SKA2: variants seen among roughly 807,000 people sequenced by gnomAD.
The protein encoded by SKA2 is spindle and kinetochore-associated protein 2.
In SKA2, 13 loss-of-function variants were observed where a neutral mutation model predicts 16.9. The ratio of observed to expected loss-of-function variants is 0.77; its 90% CI spans 0.50 to 1.22. SKA2 has a LOEUF of 1.22. Among genes scored for constraint, SKA2 ranks in the 50% most tolerant of loss-of-function variants. SKA2 has a pLI of 0.00. For missense variants in SKA2, 107 were observed against 139.7 expected, an observed-to-expected ratio of 0.77 and a Z score of 1.18; for synonymous variants, 47 against 48.5, an observed-to-expected ratio of 0.97 and a Z score of 0.13.
intron 2 of SKA2, among the ~76,000 whole-genome samples, chr17:59,121,151 C>CAAA (rs71145525): frequency 1.0e-5 from 1 of 99,700 alleles, no homozygotes; most frequent in Non-Finnish European, 2.0e-5. Flanking sequence ...GACTCCGTCT[C>CAAA]AAAAAAAAAA....
chr17:59,137,504 C>A (rs746341563), intron 1 of SKA2, among the ~76,000 whole-genome samples: 6 of 152,078 alleles, frequency 3.9e-5, no homozygotes, highest in Non-Finnish European at 7.4e-5. Flanking sequence ...GCTATGTGTC[C>A]CTAGGTTAAG....
chr17:59,117,262 T>C (rs193057212), intron 3 of SKA2, among the ~76,000 whole-genome samples: 10 of 152,332 alleles, frequency 6.6e-5, no homozygotes, highest in African/African-American at 2.2e-4. Context: ...GTCATTCCCA[T>C]TCACATTTGG....
chr17:59,140,418 G>A (rs151126039), intron 1 of SKA2, among the ~76,000 whole-genome samples: 4,180 of 151,370 alleles, frequency 0.028, 95 homozygotes, highest in African/African-American at 0.051. Context: ...TAGTAGAGAC[G>A]GGGTTTCACC....
chr17:59,119,169 G>A (rs1241093626), intron 3 of SKA2, 150 bp downstream of exon 3: 10 of 717,982 alleles, frequency 1.4e-5, no homozygotes, highest in Non-Finnish European at 2.0e-5. Context: ...ACAGAAATAA[G>A]AGCTATTATA....
intron 2 of SKA2, among the ~76,000 whole-genome samples, chr17:59,122,331 T>C (rs1291128330): frequency 1.3e-5 from 2 of 151,990 alleles, no homozygotes; most frequent in African/African-American, 4.8e-5. Context: ...ATTCAAAGGC[T>C]GGGTGCAGTG....
chr17:59,150,995 GT>G (rs529606797), intron 1 of SKA2: 8,041 of 305,718 alleles, frequency 0.026, 45 homozygotes, highest in Middle Eastern at 0.07. Context: ...TAGTTAAAAG[GT>G]TTTTTTTTTT....
chr17:59,139,332 G>A (rs754789465), intron 1 of SKA2, among the ~76,000 whole-genome samples: 1 of 150,506 alleles, frequency 6.6e-6, no homozygotes, highest in Non-Finnish European at 1.5e-5. Context: ...GGGAGGCAGA[G>A]GTTGCAGAGA....
intron 2 of SKA2, among the ~76,000 whole-genome samples, chr17:59,123,582 A>C (rs906899407): frequency 1.3e-5 from 2 of 151,832 alleles, no homozygotes; most frequent in African/African-American, 4.8e-5. Flanking sequence ...AAAAGTTAGA[A>C]TCTTACTCTG....
chr17:59,115,614 G>A (rs1238691218), intron 3 of SKA2, among the ~76,000 whole-genome samples: 1 of 151,638 alleles, frequency 6.6e-6, no homozygotes, highest in Non-Finnish European at 1.5e-5. Context: ...TTGTTTTAGA[G>A]ACAGAGTCTC....
At chr17:59,147,604 G>A (rs373846378) in intron 1 of SKA2, among the ~76,000 whole-genome samples, 5 of 151,188 alleles carry the variant, frequency 3.3e-5, no homozygotes, top group African/African-American at 1.2e-4. Context: ...TAGAACCCAT[G>A]TTGTAACTGT....
rs758908439 is a variant in SKA2 at position 59,111,042 on chromosome 17, T to C, written c.*1235A>G. On this transcript the variant is annotated 3_prime_UTR_variant, in exon 4 of 4. Coordinates refer to ENST00000330137, the MANE Select transcript of SKA2 (RefSeq NM_182620.4). ...TATTACATGTATGTAATATCACTTA[T>C]TGAAGGCTTACTAAATACTGAACCC... 5.9e-5 allele frequency: 9 copies of C among 152,220 alleles called. No homozygotes were observed. The highest frequency in any genetic ancestry group is 2.9e-5 in the Non-Finnish European group (2 of 68,034). The allele number at this position is 152,220 out of a possible 1,614,324, so 9.4% of individuals were successfully genotyped here.
At chr17:59,151,788 TTGAGTTTACTAAGGGC>T (rs1330501511) in intron 1 of SKA2, 1 of 153,620 alleles carries the variant, frequency 6.5e-6, no homozygotes, top group Admixed American at 6.5e-5. Context: ...GCTTTTTATC[TTGAGTTTACTAAGGGC>T]TGTCATAACA....
chr17:59,152,528 T>C (rs1439066492), intron 1 of SKA2, among the ~76,000 whole-genome samples: 2 of 152,186 alleles, frequency 1.3e-5, no homozygotes, highest in Non-Finnish European at 2.9e-5. Flanking sequence ...AAGAAAAATA[T>C]TTAAAAAATT....
rs1435399654 is a variant in SKA2 at position 59,111,823 on chromosome 17, C to A, written c.*454G>T. 1 of 153,782 alleles carries A rather than the reference C, an allele frequency of 6.5e-6. No homozygotes were observed. Among genetic ancestry groups the A allele is most frequent in the Non-Finnish European group, 1.5e-5 (1 of 68,778 alleles). The allele number at this position is 153,782 out of a possible 1,614,324, so 9.5% of individuals were successfully genotyped here. On this transcript the variant is annotated 3_prime_UTR_variant, in exon 4 of 4. Coordinates refer to ENST00000330137, the MANE Select transcript of SKA2 (RefSeq NM_182620.4). ...TGACCACATGTGCAATCAACATTTA[C>A]AAAATGAAATTATATATCATGTATA...
chr17:59,119,787 T>C (rs1043596581), intron 2 of SKA2, among the ~76,000 whole-genome samples: 2 of 152,204 alleles, frequency 1.3e-5, no homozygotes, highest in African/African-American at 2.4e-5. Flanking sequence ...ATTTGATGGA[T>C]AGTTCACAAT....
intron 1 of SKA2, among the ~76,000 whole-genome samples, chr17:59,139,213 C>G (rs916951359): frequency 6.6e-6 from 1 of 151,794 alleles, no homozygotes; most frequent in East Asian, 1.9e-4. Context: ...CTGGCTAACA[C>G]GGTGAAACCC....
rs952082227 is a variant in SKA2 at position 59,110,149 on chromosome 17, T to C, written c.*2128A>G. ...TCTAGAGCTAGTGGAAGAAGTTATA[T>C]TTAGGAGTCATCCACAAAGAGGCTT... On this transcript the variant is annotated 3_prime_UTR_variant, in exon 4 of 4. Coordinates refer to ENST00000330137, the MANE Select transcript of SKA2 (RefSeq NM_182620.4). 3 of 152,180 alleles carry C rather than the reference T, an allele frequency of 2.0e-5. No individual in the cohort carries two copies. Among genetic ancestry groups the C allele is most frequent in the Admixed American group, 2.0e-4 (3 of 15,266 alleles). The allele number at this position is 152,180 out of a possible 1,614,324, so 9.4% of individuals were successfully genotyped here.
At chr17:59,122,348 G>A (rs1332933196) in intron 2 of SKA2, among the ~76,000 whole-genome samples, 1 of 151,960 alleles carries the variant, frequency 6.6e-6, no homozygotes, top group Admixed American at 6.6e-5. Flanking sequence ...AGTGACTCAC[G>A]CCTGCAAGTC....
intron 1 of SKA2, among the ~76,000 whole-genome samples, chr17:59,138,588 G>A (rs922682796): frequency 1.3e-5 from 2 of 151,824 alleles, no homozygotes; most frequent in African/African-American, 2.4e-5. Context: ...ACGCCACAAC[G>A]CCTAGTAAAT....
Sources: allele counts gnomAD v4.1 joint callset (sites outside exome capture counted in the v4.1 genomes callset), GRCh38; gene constraint gnomAD v4.1.1; transcripts MANE v1.5; gene names NCBI Gene and HGNC (gene_info 2026-07-23, HGNC 2026-07-21).